EPM2A: variants seen among roughly 807,000 people sequenced by gnomAD.
The protein encoded by EPM2A is EPM2A glucan phosphatase, laforin, also known as laforin.
Under a neutral mutation model 26.5 loss-of-function variants are expected in EPM2A, and 21 were observed. That is an observed-to-expected ratio of 0.79 (90% CI 0.56 to 1.14). EPM2A has a LOEUF of 1.14. EPM2A is among the 50% of genes most tolerant of loss of function. The pLI, the probability that EPM2A is intolerant of heterozygous loss-of-function variation, is 0.00. For synonymous variants in EPM2A, 217 were observed against 177.6 expected (o/e 1.22, Z -1.76); for missense variants, 458 against 440.8 (o/e 1.04, Z -0.35).
intron 4 of EPM2A, among the ~76,000 whole-genome samples, chr6:145,424,102 A>G (rs920972785): frequency 6.6e-6 from 1 of 152,194 alleles, no homozygotes; most frequent in African/African-American, 2.4e-5. Flanking sequence ...ACCAGCAAGA[A>G]GCCCACAGAT....
intron 2 of EPM2A, chr6:145,640,531 G>A (rs965569285): frequency 2.6e-5 from 4 of 152,024 alleles, no homozygotes; most frequent in African/African-American, 9.7e-5. Context: ...AGAGAAAATC[G>A]ATTTTGCTGA....
chr6:145,655,431 T>C (rs1056189920), intron 2 of EPM2A, among the ~76,000 whole-genome samples: 4 of 152,116 alleles, frequency 2.6e-5, no homozygotes, highest in Admixed American at 2.6e-4. Flanking sequence ...GGCACTGAAA[T>C]AGGTTGCAAG....
At chr6:145,410,400 C>T (rs995511304) in intron 4 of EPM2A, among the ~76,000 whole-genome samples, 3 of 152,104 alleles carry the variant, frequency 2.0e-5, no homozygotes, top group South Asian at 2.1e-4. Context: ...AATTGGAGCC[C>T]TATTGGGAAT....
intron 1 of EPM2A, among the ~76,000 whole-genome samples, chr6:145,688,946 G>A (rs1781104307): frequency 6.6e-6 from 1 of 152,158 alleles, no homozygotes; most frequent in Non-Finnish European, 1.5e-5. Flanking sequence ...AGGAGCGGGT[G>A]TTACTTTTTT....
At chr6:145,386,788 C>T (rs1778267837) in intron 4 of EPM2A, among the ~76,000 whole-genome samples, 1 of 152,100 alleles carries the variant, frequency 6.6e-6, no homozygotes, top group African/African-American at 2.4e-5. Flanking sequence ...GGATATGAGC[C>T]AGACATGGTG....
chr6:145,559,172 T>C (rs1408276309), intron 2 of EPM2A, among the ~76,000 whole-genome samples: 5 of 152,094 alleles, frequency 3.3e-5, no homozygotes, highest in African/African-American at 1.2e-4. Flanking sequence ...TAGGGTGATT[T>C]AGTTTATCTC....
intron 2 of EPM2A, among the ~76,000 whole-genome samples, chr6:145,619,285 T>A (rs1347781471): frequency 6.6e-6 from 1 of 152,192 alleles, no homozygotes; most frequent in Admixed American, 6.5e-5. Flanking sequence ...TGGATATCAT[T>A]ACTATAGACG....
At chr6:145,707,313 G>C (rs757023295) in intron 1 of EPM2A, among the ~76,000 whole-genome samples, 7 of 151,940 alleles carry the variant, frequency 4.6e-5, no homozygotes, top group African/African-American at 1.7e-4. Flanking sequence ...ACTAAGATAG[G>C]AAGTGGCAGG....
chr6:145,397,327 G>A (rs547623658), intron 4 of EPM2A, among the ~76,000 whole-genome samples: 3 of 152,136 alleles, frequency 2.0e-5, no homozygotes, highest in Non-Finnish European at 2.9e-5. Context: ...TGTAGTCTCG[G>A]TTACTTGGGA....
At chr6:145,652,346 T>C (rs556489992) in intron 2 of EPM2A, among the ~76,000 whole-genome samples, 60 of 152,258 alleles carry the variant, frequency 3.9e-4, no homozygotes, top group African/African-American at 1.4e-3. Flanking sequence ...TTGTTGTTAA[T>C]GGGATTCTAA....
At chr6:145,527,825 G>A (rs1227614815) in intron 2 of EPM2A, among the ~76,000 whole-genome samples, 1 of 152,050 alleles carries the variant, frequency 6.6e-6, no homozygotes, top group African/African-American at 2.4e-5. Flanking sequence ...AGTAAGAAAG[G>A]CATGTCATAA....
intron 2 of EPM2A, among the ~76,000 whole-genome samples, chr6:145,656,580 C>T (rs1778305980): frequency 6.6e-6 from 1 of 152,208 alleles, no homozygotes; most frequent in Non-Finnish European, 1.5e-5. Flanking sequence ...TCTCTACCCT[C>T]ATTACCAGGG....
chr6:145,439,856 A>C (rs1779039544), intron 4 of EPM2A, among the ~76,000 whole-genome samples: 1 of 152,162 alleles, frequency 6.6e-6, no homozygotes, highest in South Asian at 2.1e-4. Context: ...CTTTTGTTGC[A>C]ATTGCTTCTG....
At chr6:145,647,965 A>T (rs2128575140) in intron 2 of EPM2A, among the ~76,000 whole-genome samples, 1 of 152,330 alleles carries the variant, frequency 6.6e-6, no homozygotes, top group East Asian at 1.9e-4. Flanking sequence ...AGAATATAAA[A>T]CTATGTAACT....
rs150005940 is a variant in EPM2A, at chr6:145,536,516, C to A, written c.341-33941G>T. ...CTCACCATGCTGGTCAGGTTGGTCT[C>A]GAACTCTTGACCTCAAGTGATCCAC... is the stretch of plus-strand genomic sequence containing the variant. On this transcript the variant is annotated intron_variant, in intron 2 of 3. Transcript: ENST00000450221. Among the ~76,000 whole-genome samples the A allele has an allele frequency of 5.0e-3, 760 of 151,892 alleles. 4 individuals carry two copies. Among genetic ancestry groups the A allele is most frequent in the African/African-American group, 0.018 (740 of 41,432 alleles).
intron 1 of EPM2A, among the ~76,000 whole-genome samples, chr6:145,716,520 A>G (rs1775632196): frequency 1.3e-5 from 2 of 152,208 alleles, no homozygotes; most frequent in African/African-American, 4.8e-5. Context: ...TAAGCCATGC[A>G]GCAAGAGAGG....
At chr6:145,412,236 C>T (rs12196255) in intron 4 of EPM2A, among the ~76,000 whole-genome samples, 17,690 of 143,472 alleles carry the variant, frequency 0.12, 1,115 homozygotes, top group South Asian at 0.26. Context: ...AAAAAAAATT[C>T]ATCTTCATCT....
At chr6:145,458,356 A>G (rs1397390649) in intron 4 of EPM2A, among the ~76,000 whole-genome samples, 2 of 152,134 alleles carry the variant, frequency 1.3e-5, no homozygotes, top group East Asian at 3.9e-4. Flanking sequence ...GCTTGAAGAA[A>G]AGCTCTATCT....
intron 1 of EPM2A, among the ~76,000 whole-genome samples, chr6:145,729,606 G>T (rs548308616): frequency 1.4e-5 from 2 of 145,496 alleles, no homozygotes; most frequent in African/African-American, 5.0e-5. Flanking sequence ...TGGAATGGGA[G>T]TACTTAGCCA....
Sources: allele counts gnomAD v4.1 joint callset (sites outside exome capture counted in the v4.1 genomes callset), GRCh38; gene constraint gnomAD v4.1.1; transcripts MANE v1.5; gene names NCBI Gene and HGNC (gene_info 2026-07-23, HGNC 2026-07-21).